EGLN1: variants seen among roughly 807,000 people sequenced by gnomAD.
EGLN1 encodes egl-9 family hypoxia inducible factor 1.
EGLN1 carries 17 observed loss-of-function variants against 38.3 expected under a neutral mutation model. The observed-to-expected ratio is 0.44, with a 90% CI of 0.30 to 0.67. The LOEUF (loss-of-function observed/expected upper bound fraction) is 0.67, where lower values mean the gene tolerates loss of function less well. Ranked by LOEUF, EGLN1 falls within the 30% of genes least tolerant of loss-of-function variation. The probability of loss-of-function intolerance (pLI) is 0.08; values close to 1 mark genes in which losing one functional copy is unlikely to be tolerated. For missense variants in EGLN1, 477 were observed against 603.3 expected (o/e 0.79, Z 2.19); for synonymous variants, 283 against 257.5 (o/e 1.10, Z -0.95).
chr1:231,406,006 G>A (rs1213750283), intron 1 of EGLN1, among the ~76,000 whole-genome samples: 2 of 55,322 alleles, frequency 3.6e-5, no homozygotes, highest in South Asian at 6.1e-4. Context: ...TTCCCCAGCC[G>A]CGGAGCACTA....
At chr1:231,373,547 A>G (rs1252532724) in intron 2 of EGLN1, among the ~76,000 whole-genome samples, 5 of 152,186 alleles carry the variant, frequency 3.3e-5, no homozygotes, top group Non-Finnish European at 7.3e-5. Context: ...ACAAAAATGC[A>G]TATCTTTAAC....
In EGLN1 at chr1:231,365,112, C is replaced by G. The variant is rs1156552395; in HGVS notation, c.*1299G>C. 6.6e-6 allele frequency: 1 copy of G among 152,148 alleles called. No individual in the cohort carries two copies. Among genetic ancestry groups the G allele is most frequent in the Non-Finnish European group, 1.5e-5 (1 of 68,030 alleles). The allele number at this position is 152,148 out of a possible 1,614,324, so 9.4% of individuals were successfully genotyped here. On this transcript the variant is annotated 3_prime_UTR_variant, in exon 5 of 5. Transcript: ENST00000366641. ...GCCTTAACAGATATCTGAGGAGTTACTGCACATTCCGTCAGTAACACCACA... is the reference window on the plus strand; with the variant it reads ...GCCTTAACAGATATCTGAGGAGTTAGTGCACATTCCGTCAGTAACACCACA...
intron 1 of EGLN1, among the ~76,000 whole-genome samples, chr1:231,382,926 C>T (rs1295488885): frequency 6.6e-6 from 1 of 151,798 alleles, no homozygotes; most frequent in African/African-American, 2.4e-5. Flanking sequence ...GGTGGGGTGG[C>T]ACACGCCTGT....
intron 1 of EGLN1, among the ~76,000 whole-genome samples, chr1:231,375,925 T>A (rs2102899910): frequency 6.6e-6 from 1 of 152,314 alleles, no homozygotes. Context: ...CTCAAAAAAG[T>A]TAATTTGGGC....
chr1:231,415,487 G>A (rs1572052775), intron 1 of EGLN1, among the ~76,000 whole-genome samples: 1 of 151,962 alleles, frequency 6.6e-6, no homozygotes, highest in Admixed American at 6.6e-5. Flanking sequence ...AAAGTGGTTA[G>A]GTAAAAAAAT....
intron 1 of EGLN1, among the ~76,000 whole-genome samples, chr1:231,374,737 T>C (rs749363465): frequency 3.9e-5 from 6 of 152,088 alleles, no homozygotes; most frequent in Non-Finnish European, 7.4e-5. Context: ...AGGGATAATT[T>C]AGGAGGTCAA....
intron 1 of EGLN1, among the ~76,000 whole-genome samples, chr1:231,409,709 G>A (rs1688885605): frequency 6.6e-6 from 1 of 152,140 alleles, no homozygotes; most frequent in Non-Finnish European, 1.5e-5. Context: ...CCTAATAGCT[G>A]AAGTCATGAT....
At position 231,421,928 on chromosome 1, in the gene EGLN1, G is replaced by A. The variant is rs746436779; in HGVS notation, c.-40C>T. On this transcript the variant is annotated 5_prime_UTR_variant, in exon 1 of 5. Transcript: ENST00000366641. The surrounding 1 kb of genome is among the most constrained non-coding windows in gnomAD (Gnocchi z 5.5). ...CGGCGACGGCGACTGCGGCGGCCGA[G>A]CAGGAGGGGTAGCGGCCGGACGGCC... is the stretch of plus-strand genomic sequence containing the variant. 1 of 1,365,236 alleles carries A rather than the reference G, an allele frequency of 7.3e-7. No individual in the cohort carries two copies. Among genetic ancestry groups the A allele is most frequent in the Non-Finnish European group, 9.3e-7 (1 of 1,070,358 alleles). The allele number at this position is 1,365,236 out of a possible 1,614,324, so 84.6% of individuals were successfully genotyped here. A position where few individuals can be genotyped will look rare whatever the true frequency, so the allele number is the denominator to read the frequency against.
intron 1 of EGLN1, among the ~76,000 whole-genome samples, chr1:231,383,463 C>A (rs1212774068): frequency 6.6e-6 from 1 of 152,010 alleles, no homozygotes; most frequent in Non-Finnish European, 1.5e-5. Flanking sequence ...AACTTTGTCA[C>A]GGGAATGGGG....
intron 1 of EGLN1, among the ~76,000 whole-genome samples, chr1:231,410,692 A>G (rs958105880): frequency 6.6e-6 from 1 of 151,922 alleles, no homozygotes; most frequent in Non-Finnish European, 1.5e-5. Flanking sequence ...GAACTTTAGG[A>G]AAAAAAACTA....
chr1:231,415,012 G>A (rs932392933), intron 1 of EGLN1, among the ~76,000 whole-genome samples: 5 of 151,988 alleles, frequency 3.3e-5, no homozygotes, highest in African/African-American at 4.8e-5. Flanking sequence ...AGGATTACAG[G>A]CATGAGCCAG....
Position 231,421,969 on chromosome 1 carries a change from G to A in EGLN1, c.-81C>T. On this transcript the variant is annotated 5_prime_UTR_variant, in exon 1 of 5. Transcript: ENST00000366641. This position sits in a 1 kb window ranked among gnomAD's most constrained non-coding sequence, Gnocchi z 5.5. ...CCGGACGGCCTCGCCCGAGGCTGGG[G>A]AGCGGGGAGAGAGATAGGGGCCGTT... is the stretch of plus-strand genomic sequence containing the variant. The A allele has an allele frequency of 7.6e-7, 1 of 1,308,522 alleles. No homozygotes were observed. The highest frequency in any genetic ancestry group is 9.7e-7 in the Non-Finnish European group (1 of 1,033,648). 81.1% of individuals were successfully genotyped at this position (1,308,522 alleles called of 1,614,324 possible).
intron 1 of EGLN1, among the ~76,000 whole-genome samples, chr1:231,418,664 G>C (rs1190585586): frequency 6.6e-6 from 1 of 152,094 alleles, no homozygotes; most frequent in East Asian, 1.9e-4. Flanking sequence ...AGGAGTTCGA[G>C]ATCAAATGAT....
chr1:231,401,092 A>G (rs1330263817), intron 1 of EGLN1, among the ~76,000 whole-genome samples: 1 of 152,166 alleles, frequency 6.6e-6, no homozygotes, highest in Non-Finnish European at 1.5e-5. Context: ...TGTAATGCAT[A>G]CAGTGAGATC....
chr1:231,399,600 G>A (rs981780790), intron 1 of EGLN1, among the ~76,000 whole-genome samples: 2 of 152,176 alleles, frequency 1.3e-5, no homozygotes, highest in African/African-American at 4.8e-5. Context: ...AGTAGAAGCA[G>A]GTGGTAATTT....
chr1:231,414,926 G>GGTTT (rs1486718235), intron 1 of EGLN1, among the ~76,000 whole-genome samples: 3 of 151,802 alleles, frequency 2.0e-5, no homozygotes, highest in African/African-American at 7.3e-5. Flanking sequence ...TTTAGAGATG[G>GGTTT]GTTTCACCAC....
At chr1:231,383,892 A>C (rs1253077027) in intron 1 of EGLN1, among the ~76,000 whole-genome samples, 1 of 152,082 alleles carries the variant, frequency 6.6e-6, no homozygotes, top group Non-Finnish European at 1.5e-5. Flanking sequence ...TTATTCCTTC[A>C]TAAGAGATCC....
At position 231,365,100 on chromosome 1, in the gene EGLN1, T is replaced by C. The variant is rs1007164204; in HGVS notation, c.*1311A>G. On this transcript the variant is annotated 3_prime_UTR_variant, in exon 5 of 5. Transcript: ENST00000366641. ...CATCTGGGAAATGCCTTAACAGATA[T>C]CTGAGGAGTTACTGCACATTCCGTC... The C allele has an allele frequency of 6.6e-6, 1 of 152,198 alleles. No individual in the cohort carries two copies. Among genetic ancestry groups the C allele is most frequent in the Non-Finnish European group, 1.5e-5 (1 of 68,040 alleles). 9.4% of individuals were successfully genotyped at this position (152,198 alleles called of 1,614,324 possible). A position where few individuals can be genotyped will look rare whatever the true frequency, so the allele number is the denominator to read the frequency against.
At chr1:231,397,514 A>T (rs113455385) in intron 1 of EGLN1, among the ~76,000 whole-genome samples, 12 of 152,306 alleles carry the variant, frequency 7.9e-5, no homozygotes, top group African/African-American at 2.9e-4. Context: ...AGTCAAGCTC[A>T]ATCTACTGTC....
Sources: gnomAD v4.1 joint callset for allele counts (sites outside exome capture counted in the v4.1 genomes callset) on GRCh38, gnomAD v4.1.1 for gene constraint, Gnocchi (gnomAD v3.1) non-coding constraint, MANE v1.5 for transcripts, NCBI Gene and HGNC (gene_info 2026-07-23, HGNC 2026-07-21) for gene names.